The following LAMP3 variants were observed in gnomAD, a reference collection of about 807,000 sequenced individuals.
LAMP3 encodes the protein lysosome-associated membrane glycoprotein 3.
Under a neutral mutation model 34.8 loss-of-function variants are expected in LAMP3, and 26 were observed. The observed-to-expected ratio is 0.75, with a 90% CI of 0.55 to 1.04. The LOEUF (loss-of-function observed/expected upper bound fraction) is 1.04. Ranked by LOEUF, LAMP3 falls within the 50% of genes least tolerant of loss-of-function variation. The pLI is 0.00. For synonymous variants in LAMP3, 180 were observed against 201.9 expected (o/e 0.89, Z 0.92); for missense variants, 495 against 524.0 (o/e 0.94, Z 0.54).
At position 183,152,423 on chromosome 3, in the gene LAMP3, G is replaced by A. The variant is rs145794465; in HGVS notation, c.840C>T (p.Asn280=). Residue 280 remains asparagine (N), a synonymous_variant, in exon 3 of 6, where the codon AAC becomes AAT. Transcript: ENST00000265598. ...ASGNCGTRKS[N]LLLNFQGGFV... Reference sequence around the variant, plus strand: ...ATCCGCCCTGAAAATTCAACAGAAGGTTGGATTTTCGGGTGCCACAGTTCC... The same window carrying A: ...ATCCGCCCTGAAAATTCAACAGAAGATTGGATTTTCGGGTGCCACAGTTCC... 121 of 1,612,858 alleles carry A rather than the reference G, an allele frequency of 7.5e-5. No individual in the cohort carries two copies. Among genetic ancestry groups the A allele is most frequent in the Middle Eastern group, 1.7e-4 (1 of 6,014 alleles).
chr3:183,156,961 G>A (rs1331814329), intron 1 of LAMP3, among the ~76,000 whole-genome samples: 1 of 152,164 alleles, frequency 6.6e-6, no homozygotes, highest in East Asian at 1.9e-4. Flanking sequence ...GAGAGGAACA[G>A]GAGGGTGCCC....
chr3:183,144,539 G>T (rs1456847517), intron 3 of LAMP3, among the ~76,000 whole-genome samples: 4 of 152,138 alleles, frequency 2.6e-5, no homozygotes, highest in Non-Finnish European at 4.4e-5. Flanking sequence ...GGGCCTTCTA[G>T]GCAGAGGGAA....
At chr3:183,125,174 AATG>A (rs1719754146) in intron 5 of LAMP3, among the ~76,000 whole-genome samples, 1 of 152,182 alleles carries the variant, frequency 6.6e-6, no homozygotes, top group Admixed American at 6.5e-5. Context: ...AGAATACTCT[AATG>A]AAGAGACTGG....
chr3:183,153,381 G>C (rs1720717041), intron 2 of LAMP3, among the ~76,000 whole-genome samples: 1 of 152,128 alleles, frequency 6.6e-6, no homozygotes, highest in Admixed American at 6.5e-5. Context: ...GGAGTGGGAG[G>C]GAGGGGCTGA....
At chr3:183,132,179 C>T in intron 5 of LAMP3, 2 of 985,334 alleles carry the variant, frequency 2.0e-6, no homozygotes, top group Non-Finnish European at 1.2e-6. Context: ...TTGAGCCCCT[C>T]CTTTTTTGCC....
intron 5 of LAMP3, chr3:183,132,661 A>G: frequency 1.0e-6 from 1 of 985,430 alleles, no homozygotes; most frequent in Non-Finnish European, 1.2e-6. Flanking sequence ...GCTGTTTCCC[A>G]GCACTGCGGT....
Position 183,137,365 on chromosome 3 carries a change from A to C in LAMP3, c.947-1478T>G, listed in dbSNP as rs557884125. Reference sequence around the variant, plus strand: ...ATAAAAGAAAAATAATTAATCATACAATGAACTCCATTTTCTCTAATTCCA... The same window carrying C: ...ATAAAAGAAAAATAATTAATCATACCATGAACTCCATTTTCTCTAATTCCA... On this transcript the variant is annotated intron_variant, in intron 4 of 5. Transcript: ENST00000265598. Among the ~76,000 whole-genome samples, 58 of 152,194 alleles carry C rather than the reference A, an allele frequency of 3.8e-4. 2 individuals are homozygous for C. In the South Asian group the frequency reaches 0.012, roughly 31 times the overall value.
intron 3 of LAMP3, among the ~76,000 whole-genome samples, chr3:183,143,784 A>G (rs598689): frequency 0.85 from 130,144 of 152,232 alleles, 55,847 homozygotes; most frequent in Non-Finnish European, 0.9. Context: ...ATTCTGTAGA[A>G]TTGTAGTGTT....
chr3:183,125,081 T>C (rs1397299133), intron 5 of LAMP3, among the ~76,000 whole-genome samples: 3 of 152,212 alleles, frequency 2.0e-5, no homozygotes, highest in African/African-American at 7.2e-5. Flanking sequence ...ACTCAATTCA[T>C]TTAATGTAAT....
chr3:183,163,106 C>T (rs150421204), upstream of LAMP3, among the ~76,000 whole-genome samples: 1,670 of 151,866 alleles, frequency 0.011, 33 homozygotes, highest in African/African-American at 0.038. Context: ...TACAGGCATG[C>T]ACCACCACAC....
chr3:183,132,787 A>T, intron 5 of LAMP3: 1 of 985,448 alleles, frequency 1.0e-6, no homozygotes, highest in Non-Finnish European at 1.2e-6. Context: ...CCAAGACCTT[A>T]ACTTTGCACA....
chr3:183,136,086 G>A (rs1720079387), intron 4 of LAMP3, among the ~76,000 whole-genome samples, 199 bp from the exon 5 acceptor site: 1 of 152,142 alleles, frequency 6.6e-6, no homozygotes. Context: ...TGGGGTATAA[G>A]GGAGACACCT....
chr3:183,149,373 C>G (rs1411937528), intron 3 of LAMP3, among the ~76,000 whole-genome samples: 1 of 151,244 alleles, frequency 6.6e-6, no homozygotes. Flanking sequence ...GACCCCGTCT[C>G]TACTAAAAAT....
intron 1 of LAMP3, 85 bp from the exon 2 acceptor site, chr3:183,154,476 C>T: frequency 9.4e-7 from 1 of 1,064,164 alleles, no homozygotes; most frequent in East Asian, 2.4e-5. Context: ...AATGTCTGTT[C>T]ATAAAAAAAC....
At chr3:183,137,329 A>T (rs1720128981) in intron 4 of LAMP3, among the ~76,000 whole-genome samples, 2 of 152,128 alleles carry the variant, frequency 1.3e-5, no homozygotes, top group African/African-American at 4.8e-5. Flanking sequence ...AAAAATAAAT[A>T]AATAATAATA....
At chr3:183,140,209 C>T (rs1483641979) in intron 4 of LAMP3, among the ~76,000 whole-genome samples, 2 of 151,994 alleles carry the variant, frequency 1.3e-5, no homozygotes, top group East Asian at 3.9e-4. Context: ...GAGTTTGAGA[C>T]CAGTCTCGCC....
intron 1 of LAMP3, among the ~76,000 whole-genome samples, chr3:183,155,290 T>C (rs914775635): frequency 6.6e-6 from 1 of 152,256 alleles, no homozygotes; most frequent in Non-Finnish European, 1.5e-5. Context: ...CTGTTCCCAA[T>C]GACAGGAGAC....
chr3:183,153,447 G>T (rs1412128302), intron 2 of LAMP3, among the ~76,000 whole-genome samples: 1 of 152,190 alleles, frequency 6.6e-6, no homozygotes, highest in Non-Finnish European at 1.5e-5. Context: ...AGTGAGGTGT[G>T]TGAATATTTA....
chr3:183,152,110 G>C (rs1720654283), intron 3 of LAMP3, among the ~76,000 whole-genome samples: 1 of 152,212 alleles, frequency 6.6e-6, no homozygotes, highest in Non-Finnish European at 1.5e-5. Context: ...TGGCTGGTTT[G>C]CAAAGGGCAC....
Sources: gnomAD v4.1 joint callset for allele counts (sites outside exome capture counted in the v4.1 genomes callset) on GRCh38, gnomAD v4.1.1 for gene constraint, MANE v1.5 for transcripts, NCBI Gene and HGNC (gene_info 2026-07-23, HGNC 2026-07-21) for gene names.